The following NSMCE2 variants were observed in gnomAD, a reference collection of about 807,000 sequenced individuals.
NSMCE2 encodes E3 SUMO-protein ligase NSE2.
A neutral mutation model predicts 23.8 loss-of-function variants in NSMCE2; 24 were observed. That is an observed-to-expected ratio of 1.01 (90% CI 0.73 to 1.42). The LOEUF (loss-of-function observed/expected upper bound fraction) is 1.42. NSMCE2 is among the 40% of genes most tolerant of loss of function. NSMCE2 has a pLI of 0.00. For missense variants in NSMCE2, 284 were observed against 296.5 expected, an observed-to-expected ratio of 0.96 and a Z score of 0.31; for synonymous variants, 92 against 94.1, an observed-to-expected ratio of 0.98 and a Z score of 0.13.
At chr8:125,324,441 A>G (rs1829566899) in intron 5 of NSMCE2, among the ~76,000 whole-genome samples, 1 of 132,476 alleles carries the variant, frequency 7.5e-6, no homozygotes, top group Admixed American at 8.8e-5. Context: ...TAGACATTGT[A>G]TGTCATATCC....
At chr8:125,223,879 A>G (rs1252258860) in intron 5 of NSMCE2, among the ~76,000 whole-genome samples, 2 of 143,030 alleles carry the variant, frequency 1.4e-5, no homozygotes, top group African/African-American at 5.3e-5. Flanking sequence ...TGGCGCAATC[A>G]TAGCTCCACT....
chr8:125,326,666 A>T (rs560242562), intron 5 of NSMCE2, among the ~76,000 whole-genome samples: 16 of 152,322 alleles, frequency 1.1e-4, no homozygotes, highest in African/African-American at 3.6e-4. Context: ...AAAAAGATAA[A>T]AAAGGCGGGC....
intron 5 of NSMCE2, among the ~76,000 whole-genome samples, chr8:125,241,164 T>C (rs948765109): frequency 2.6e-5 from 4 of 152,236 alleles, no homozygotes; most frequent in Admixed American, 6.5e-5. Flanking sequence ...TCAAAAAGCT[T>C]TGAATTTTAT....
At chr8:125,333,505 CTTTTTT>C (rs71295847) in intron 5 of NSMCE2, among the ~76,000 whole-genome samples, 3 of 45,628 alleles carry the variant, frequency 6.6e-5, no homozygotes, top group African/African-American at 1.9e-4. Context: ...CCTGGTGGTT[CTTTTTT>C]TTTTTTTTTT....
At chr8:125,362,775 A>G (rs544607501) in intron 7 of NSMCE2, among the ~76,000 whole-genome samples, 1 of 152,274 alleles carries the variant, frequency 6.6e-6, no homozygotes, top group South Asian at 2.1e-4. Flanking sequence ...ATCAGAGTCT[A>G]TCTCCTCAGT....
chr8:125,239,928 G>A (rs1226690416), intron 5 of NSMCE2, among the ~76,000 whole-genome samples: 2 of 152,090 alleles, frequency 1.3e-5, no homozygotes, highest in African/African-American at 4.8e-5. Flanking sequence ...GTAAGTAAGT[G>A]TGTCGCCCAC....
chr8:125,333,014 G>A (rs550381639), intron 5 of NSMCE2, among the ~76,000 whole-genome samples: 1 of 152,286 alleles, frequency 6.6e-6, no homozygotes, highest in East Asian at 1.9e-4. Flanking sequence ...ACACTGAGCT[G>A]TGAACCCAGT....
intron 5 of NSMCE2, among the ~76,000 whole-genome samples, chr8:125,312,901 C>A (rs763194945): frequency 5.3e-5 from 8 of 151,856 alleles, no homozygotes; most frequent in Non-Finnish European, 1.2e-4. Context: ...TGAACCAGCA[C>A]GGGGAGAGCA....
intron 5 of NSMCE2, among the ~76,000 whole-genome samples, chr8:125,202,181 A>G (rs1046703210): frequency 1.1e-4 from 16 of 152,234 alleles, no homozygotes; most frequent in Admixed American, 6.5e-5. Context: ...TTCGTGAGGC[A>G]ATGCCCCGCC....
intron 3 of NSMCE2, among the ~76,000 whole-genome samples, chr8:125,117,791 A>T (rs1819085799): frequency 6.6e-6 from 1 of 152,176 alleles, no homozygotes. Flanking sequence ...CAGTGTGTTC[A>T]TCTGATGTCT....
chr8:125,353,866 AG>A (rs1292632730), intron 5 of NSMCE2, among the ~76,000 whole-genome samples: 2 of 151,032 alleles, frequency 1.3e-5, no homozygotes, highest in Non-Finnish European at 2.9e-5. Context: ...CTGGGCGACA[AG>A]GGCAAGACTC....
At chr8:125,171,919 C>T (rs1326864429) in intron 4 of NSMCE2, among the ~76,000 whole-genome samples, 1 of 152,190 alleles carries the variant, frequency 6.6e-6, no homozygotes, top group African/African-American at 2.4e-5. Context: ...AGCTCTTGAG[C>T]ACTTGGCAGT....
chr8:125,196,247 C>T (rs1823613488), intron 5 of NSMCE2, among the ~76,000 whole-genome samples: 1 of 149,004 alleles, frequency 6.7e-6, no homozygotes, highest in Admixed American at 6.8e-5. Flanking sequence ...TACATGTGCA[C>T]AACGTGCAGG....
intron 5 of NSMCE2, among the ~76,000 whole-genome samples, chr8:125,353,933 A>G (rs1162725416): frequency 6.7e-6 from 1 of 149,308 alleles, no homozygotes; most frequent in Non-Finnish European, 1.5e-5. Context: ...ATTGCTGTCA[A>G]TTTGTTGTTT....
At chr8:125,339,509 C>T (rs1830165985) in intron 5 of NSMCE2, among the ~76,000 whole-genome samples, 1 of 152,220 alleles carries the variant, frequency 6.6e-6, no homozygotes, top group South Asian at 2.1e-4. Flanking sequence ...TAATCATAAT[C>T]CTGGGAAAAT....
chr8:125,137,350 TTTAA>T (rs1820122969), intron 3 of NSMCE2, among the ~76,000 whole-genome samples: 1 of 152,200 alleles, frequency 6.6e-6, no homozygotes, highest in Admixed American at 6.5e-5. Context: ...GGCTGATTTG[TTTAA>T]TTAAACTGTT....
At chr8:125,217,783 G>C (rs1824666440) in intron 5 of NSMCE2, among the ~76,000 whole-genome samples, 1 of 151,968 alleles carries the variant, frequency 6.6e-6, no homozygotes, top group African/African-American at 2.4e-5. Flanking sequence ...CTGTTTTCCA[G>C]ACTTGACTTG....
chr8:125,101,046 A>G (rs544555676), intron 1 of NSMCE2, among the ~76,000 whole-genome samples: 9 of 152,348 alleles, frequency 5.9e-5, no homozygotes, highest in African/African-American at 1.2e-4. Flanking sequence ...TGAACTGACA[A>G]TGAGTTGTAC....
chr8:125,211,037 A>G (rs763651188), intron 5 of NSMCE2, among the ~76,000 whole-genome samples: 18 of 152,108 alleles, frequency 1.2e-4, no homozygotes, highest in Non-Finnish European at 1.9e-4. Flanking sequence ...CTGGCCTCCC[A>G]GATTGATTTC....
Sources: allele counts gnomAD v4.1 joint callset (sites outside exome capture counted in the v4.1 genomes callset), GRCh38; gene constraint gnomAD v4.1.1; transcripts MANE v1.5; gene names NCBI Gene and HGNC (gene_info 2026-07-23, HGNC 2026-07-21).